CR1: variants seen among roughly 807,000 people sequenced by gnomAD.
CR1 encodes complement C3b/C4b receptor 1 (Knops blood group), also known as complement receptor type 1.
CR1 carries 116 observed loss-of-function variants against 187.3 expected under a neutral mutation model. The observed-to-expected ratio is 0.62, with a 90% CI of 0.53 to 0.72. The LOEUF (loss-of-function observed/expected upper bound fraction) is 0.72, where lower values mean the gene tolerates loss of function less well. CR1 is among the 30% of genes least tolerant of loss of function. The probability of loss-of-function intolerance (pLI) is 0.00; values close to 1 mark genes in which losing one functional copy is unlikely to be tolerated. For missense variants in CR1, 1,731 were observed against 2,110.7 expected, an observed-to-expected ratio of 0.82 and a Z score of 3.52; for synonymous variants, 576 against 747.1, an observed-to-expected ratio of 0.77 and a Z score of 3.73.
Position 207,496,367 on chromosome 1 carries a change from C to G in CR1, c.100C>G (p.Leu34Val), listed in dbSNP as rs370940682. The stretch of plus-strand genomic sequence containing the variant: ...ATCCCTGCTGGCGGTTGTGGTGCTG[C>G]TTGCGCTGCCGGTGGCCTGGGGTGA... ...GGSLLAVVVL[L>V]ALPVAWGQCN... Residue 34 changes from leucine to valine, a missense_variant, in exon 1 of 47, where the codon CTT becomes GTT. Leu to Val is a conservative substitution (Grantham distance 32). This residue lies in a region of CR1 where 237 missense variants were observed against 240.4 expected (regional missense o/e 0.99). Coordinates refer to ENST00000367049, the MANE Select transcript of CR1 (RefSeq NM_000651.6). 1.9e-6 allele frequency: 3 copies of G among 1,610,606 alleles called. No homozygotes were observed. The highest frequency in any genetic ancestry group is 1.9e-4 in the Middle Eastern group (1 of 5,228).
intron 33 of CR1, among the ~76,000 whole-genome samples, chr1:207,585,566 C>T (rs1236402871): frequency 6.6e-6 from 1 of 152,134 alleles, no homozygotes; most frequent in African/African-American, 2.4e-5. Context: ...TTTTCCAGAG[C>T]AGAAACTGGA....
In CR1 at chr1:207,617,585, A is replaced by G. The variant is rs55824954; in HGVS notation, c.6890-486A>G. ...TATATATATGTGTGTGTGTATATATATATATATATATATATATATATATAT... is the reference window on the plus strand; with the variant it reads ...TATATATATGTGTGTGTGTATATATGTATATATATATATATATATATATAT... On this transcript the variant is annotated intron_variant, in intron 41 of 46. Transcript: ENST00000367049. 1.4e-3 allele frequency among the ~76,000 whole-genome samples: 56 copies of G among 40,790 alleles called. 1 individual carries two copies. The highest frequency in any genetic ancestry group is 5.3e-3 in the Admixed American group (17 of 3,216). The allele number at this position is 40,790 out of a possible 152,430, so 26.8% of individuals were successfully genotyped here. A position where few individuals can be genotyped will look rare whatever the true frequency, so the allele number is the denominator to read the frequency against.
At chr1:207,574,556 G>C (rs1660676123) in intron 27 of CR1, among the ~76,000 whole-genome samples, 1 of 151,750 alleles carries the variant, frequency 6.6e-6, no homozygotes, top group African/African-American at 2.4e-5. Flanking sequence ...TTGGTAAAAA[G>C]AAAAAACAAC....
chr1:207,595,419 G>C (rs997899766), intron 35 of CR1, among the ~76,000 whole-genome samples: 1 of 151,958 alleles, frequency 6.6e-6, no homozygotes, highest in African/African-American at 2.4e-5. Context: ...ACAACAATGG[G>C]CCCCGGCCCT....
At position 207,581,961 on chromosome 1, in the gene CR1, G is replaced by A; in HGVS notation, c.5260G>A (p.Gly1754Arg). ...GSSVSHCVLV[G>R]MRSLWNNSVP... ...TTCCGTTAGTCATTGTGTCTTGGTTGGAATGAGAAGCCTTTGGAATAACAG... is the reference window on the plus strand; with the variant it reads ...TTCCGTTAGTCATTGTGTCTTGGTTAGAATGAGAAGCCTTTGGAATAACAG... The change falls in exon 32 of 47, where the codon GGA becomes AGA. Residue 1754 changes from glycine to arginine, a missense_variant. This residue lies in a region of CR1 where 1,312 missense variants were observed against 1,379.6 expected (regional missense o/e 0.95). Transcript: ENST00000367049. 6.2e-7 allele frequency: 1 copy of A among 1,613,158 alleles called. No individual in the cohort carries two copies. Among genetic ancestry groups the A allele is most frequent in the Non-Finnish European group, 8.5e-7 (1 of 1,179,386 alleles).
chr1:207,577,130 A>G (rs1379812992), intron 28 of CR1, among the ~76,000 whole-genome samples: 6 of 151,992 alleles, frequency 3.9e-5, no homozygotes, highest in African/African-American at 1.5e-4. Flanking sequence ...GCATGCCTGT[A>G]ATCCCAGCTA....
Position 207,609,663 on chromosome 1 carries a change from G to A in CR1, c.6270G>A (p.Gly2090=), listed in dbSNP as rs767103633. The part of the protein sequence containing the change: ...TVQCQTNGRW[G]PKLPHCSRVC... ...AGTGCCAGACCAATGGCAGATGGGG[G>A]CCCAAGCTGCCACACTGCTCCAGGG... The change falls in exon 37 of 47, where the codon GGG becomes GGA. Residue 2090 remains glycine (G), a synonymous_variant. Transcript: ENST00000367049. 6.3e-7 allele frequency: 1 copy of A among 1,590,862 alleles called. No individual in the cohort carries two copies. The highest frequency in any genetic ancestry group is 1.2e-5 in the South Asian group (1 of 85,796).
chr1:207,629,424 A>C (rs953606253), intron 45 of CR1, among the ~76,000 whole-genome samples: 2 of 151,778 alleles, frequency 1.3e-5, no homozygotes, highest in East Asian at 3.9e-4. Flanking sequence ...AACACTACTC[A>C]TCTTACCACT....
At chr1:207,590,886 G>A (rs1308151853) in intron 35 of CR1, among the ~76,000 whole-genome samples, 1 of 150,850 alleles carries the variant, frequency 6.6e-6, no homozygotes, top group Non-Finnish European at 1.5e-5. Flanking sequence ...GGCAAAGGAT[G>A]CAACAAGAAG....
chr1:207,514,379 A>T (rs1454532643), intron 4 of CR1, among the ~76,000 whole-genome samples: 1 of 152,110 alleles, frequency 6.6e-6, no homozygotes, highest in Admixed American at 6.6e-5. Context: ...CCCCAAATCC[A>T]TATGTTGAAA....
intron 35 of CR1, among the ~76,000 whole-genome samples, chr1:207,601,786 C>T (rs946339592): frequency 6.6e-6 from 1 of 151,920 alleles, no homozygotes; most frequent in African/African-American, 2.4e-5. Flanking sequence ...TATTGAGTTA[C>T]AGGAGTCCTT....
chr1:207,506,718 A>T lies in CR1; in HGVS notation c.306A>T (p.Lys102Asn), dbSNP rs746933193. Reference sequence around the variant, plus strand: ...AATTCTGTTTCTTTCCTGTAGGTAAATCATGTCGTAATCCTCCAGATCCTG... The same window carrying T: ...AATTCTGTTTCTTTCCTGTAGGTAATTCATGTCGTAATCCTCCAGATCCTG... Reference protein sequence around the residue: ...WTGAKDRCRRKSCRNPPDPVN... With the variant: ...WTGAKDRCRRNSCRNPPDPVN... Residue 102 changes from lysine (K) to asparagine (N), a missense_variant, in exon 3 of 47, where the codon AAA becomes AAT. Coordinates refer to ENST00000367049, the MANE Select transcript of CR1 (RefSeq NM_000651.6). 3.1e-6 allele frequency: 5 copies of T among 1,613,444 alleles called. No individual in the cohort carries two copies. In the South Asian group the frequency reaches 5.5e-5, roughly 18 times the overall value.
At chr1:207,639,097 G>A (rs1391033680) in intron 46 of CR1, among the ~76,000 whole-genome samples, 3 of 152,230 alleles carry the variant, frequency 2.0e-5, no homozygotes, top group Non-Finnish European at 4.4e-5. Flanking sequence ...CCCGACAATG[G>A]TTGCCCATTT....
intron 46 of CR1, among the ~76,000 whole-genome samples, chr1:207,633,350 C>T (rs1662709612): frequency 6.6e-6 from 1 of 152,170 alleles, no homozygotes; most frequent in African/African-American, 2.4e-5. Context: ...GCAATAATCT[C>T]TATCTAGTAG....
intron 24 of CR1, among the ~76,000 whole-genome samples, chr1:207,566,372 TATG>T (rs1660496756): frequency 6.7e-6 from 1 of 149,960 alleles, no homozygotes; most frequent in Non-Finnish European, 1.5e-5. Flanking sequence ...TTTATATATA[TATG>T]ATAATACACA....
At chr1:207,606,497 G>A (rs930746385) in intron 35 of CR1, 1 of 152,176 alleles carries the variant, frequency 6.6e-6, no homozygotes, top group African/African-American at 2.4e-5. Flanking sequence ...CTTAACTGTT[G>A]CAGTTACTGC....
chr1:207,617,853 AAGTTAG>A (rs1054112720), intron 41 of CR1, among the ~76,000 whole-genome samples: 1 of 151,504 alleles, frequency 6.6e-6, no homozygotes, highest in African/African-American at 2.4e-5. Context: ...ATCTAGTTTG[AAGTTAG>A]AGACTGTAGA....
At chr1:207,581,232 AGACG>A (rs1215428916) in intron 31 of CR1, among the ~76,000 whole-genome samples, 65 of 146,416 alleles carry the variant, frequency 4.4e-4, no homozygotes, top group African/African-American at 1.6e-3. Flanking sequence ...ACGTATATGT[AGACG>A]TATACATATG....
intron 37 of CR1, among the ~76,000 whole-genome samples, chr1:207,611,040 T>A (rs1193797816): frequency 6.6e-6 from 1 of 152,154 alleles, no homozygotes; most frequent in African/African-American, 2.4e-5. Flanking sequence ...TTCTTTCTTT[T>A]TTTTTTTGTA....
Sources: allele counts gnomAD v4.1 joint callset (sites outside exome capture counted in the v4.1 genomes callset), GRCh38; gene constraint gnomAD v4.1.1; regional missense constraint gnomAD v4.1.1; transcripts MANE v1.5; gene names NCBI Gene and HGNC (gene_info 2026-07-23, HGNC 2026-07-21).